The following ANKFY1 variants were observed in gnomAD, a reference collection of about 807,000 sequenced individuals.
ANKFY1 encodes ankyrin repeat and FYVE domain-containing protein 1.
ANKFY1 carries 47 observed loss-of-function variants against 128.3 expected under a neutral mutation model. The ratio of observed to expected loss-of-function variants is 0.37; its 90% CI spans 0.29 to 0.47. ANKFY1 has a LOEUF of 0.47. Ranked by LOEUF, ANKFY1 falls within the 20% of genes least tolerant of loss-of-function variation. The pLI, the probability that ANKFY1 is intolerant of heterozygous loss-of-function variation, is 1.00. For synonymous variants in ANKFY1, 553 were observed against 601.6 expected, an observed-to-expected ratio of 0.92 and a Z score of 1.18; for missense variants, 1,222 against 1,510.6, an observed-to-expected ratio of 0.81 and a Z score of 3.17.
At chr17:4,252,178 G>C (rs1967871500) in intron 1 of ANKFY1, among the ~76,000 whole-genome samples, 1 of 152,116 alleles carries the variant, frequency 6.6e-6, no homozygotes, top group African/African-American at 2.4e-5. Flanking sequence ...ATGAAAAGAT[G>C]TGCATCATTA....
chr17:4,246,008 C>T (rs1967522761), intron 1 of ANKFY1, among the ~76,000 whole-genome samples: 2 of 151,880 alleles, frequency 1.3e-5, no homozygotes, highest in Non-Finnish European at 2.9e-5. Context: ...CGTGCCACTG[C>T]ACTCCAGCCT....
Position 4,208,137 on chromosome 17 carries a change from C to T in ANKFY1, c.583-55G>A, listed in dbSNP as rs1481765324. 4 of 1,527,246 alleles carry T rather than the reference C, an allele frequency of 2.6e-6. No homozygotes were observed. In the East Asian group the frequency reaches 9.6e-5, roughly 37 times the overall value. 94.6% of individuals were successfully genotyped at this position (1,527,246 alleles called of 1,614,324 possible). ...AACAGACACAAGGCAATGAATCCAA[C>T]CACCATTTAGCAAGCCTCTCAAATG... On this transcript the variant is annotated intron_variant, in intron 5 of 24. Coordinates refer to ENST00000341657, the MANE Select transcript of ANKFY1 (RefSeq NM_001330063.2).
intron 10 of ANKFY1, 162 bp downstream of exon 10, chr17:4,194,816 A>T (rs1433043878): frequency 1.5e-6 from 1 of 686,044 alleles, no homozygotes; most frequent in Non-Finnish European, 2.4e-6. Context: ...CAGGATTTTT[A>T]AAAATGACAA....
intron 16 of ANKFY1, among the ~76,000 whole-genome samples, chr17:4,180,682 A>G (rs1235746869): frequency 6.9e-6 from 1 of 145,002 alleles, no homozygotes; most frequent in African/African-American, 2.5e-5. Flanking sequence ...GCGTGAACCC[A>G]GGAGGCAGAG....
chr17:4,191,508 G>T (rs187440335), intron 10 of ANKFY1, among the ~76,000 whole-genome samples: 17 of 149,150 alleles, frequency 1.1e-4, no homozygotes, highest in Admixed American at 8.7e-4. Flanking sequence ...GTTGATGGTT[G>T]CTCTAATCTG....
chr17:4,199,037 G>A (rs1169061022), intron 7 of ANKFY1, among the ~76,000 whole-genome samples: 19 of 152,184 alleles, frequency 1.2e-4, no homozygotes, highest in Non-Finnish European at 1.2e-4. Context: ...GACAACAGCT[G>A]TGGTTCCAGC....
rs183427380 is a variant in ANKFY1, at chr17:4,210,079, G to A, written c.459-132C>T. The A allele has an allele frequency of 4.7e-5, 32 of 683,336 alleles. No individual in the cohort carries two copies. The Admixed American group carries it at 9.3e-4, about 20-fold the overall frequency. 42.3% of individuals were successfully genotyped at this position (683,336 alleles called of 1,614,324 possible). A position where few individuals can be genotyped will look rare whatever the true frequency, so the allele number is the denominator to read the frequency against. On this transcript the variant is annotated intron_variant, in intron 4 of 24. Coordinates refer to ENST00000341657, the MANE Select transcript of ANKFY1 (RefSeq NM_001330063.2). ...ACTATGGGATAAGGTTAAGCAAAGG[G>A]TTATGAATAAATTACAGTTGGTCTC... is the stretch of plus-strand genomic sequence containing the variant.
chr17:4,234,460 G>GACATA (rs1411099766), intron 3 of ANKFY1, among the ~76,000 whole-genome samples: 1 of 151,680 alleles, frequency 6.6e-6, no homozygotes, highest in Non-Finnish European at 1.5e-5. Context: ...AAAAAAATGT[G>GACATA]ACATAAAACA....
chr17:4,198,691 T>C (rs2059872804), intron 7 of ANKFY1, among the ~76,000 whole-genome samples: 1 of 152,136 alleles, frequency 6.6e-6, no homozygotes, highest in Admixed American at 6.5e-5. Flanking sequence ...TTTTGTAATC[T>C]CATTATATAC....
Position 4,178,733 on chromosome 17 carries a change from G to A in ANKFY1, c.2598+124C>T, listed in dbSNP as rs1310973593. 3.2e-6 allele frequency: 3 copies of A among 925,396 alleles called. No homozygotes were observed. The highest frequency in any genetic ancestry group is 6.5e-4 in the Middle Eastern group (2 of 3,056). The allele number at this position is 925,396 out of a possible 1,614,324, so 57.3% of individuals were successfully genotyped here. ...ATCTCAACAGCCACATCTTAGGACAGGAGTACAACTTCAAAACAAAGCTCT... is the reference window on the plus strand; with the variant it reads ...ATCTCAACAGCCACATCTTAGGACAAGAGTACAACTTCAAAACAAAGCTCT... On this transcript the variant is annotated intron_variant, in intron 18 of 24. Coordinates refer to ENST00000341657, the MANE Select transcript of ANKFY1 (RefSeq NM_001330063.2). The surrounding 1 kb of genome is among the most constrained non-coding windows in gnomAD (Gnocchi z 4.1).
intron 17 of ANKFY1, 40 bp downstream of exon 17, chr17:4,179,681 G>A (rs374651826): frequency 9.8e-5 from 158 of 1,604,278 alleles, no homozygotes; most frequent in Non-Finnish European, 1.2e-4. Context: ...CCCTCATGCT[G>A]GGGCTACACC....
intron 1 of ANKFY1, among the ~76,000 whole-genome samples, chr17:4,257,536 AG>A (rs1164466462): frequency 6.6e-6 from 1 of 152,130 alleles, no homozygotes; most frequent in Non-Finnish European, 1.5e-5. Context: ...CCATGTCCAA[AG>A]GAGGGCCATT....
At chr17:4,239,044 C>T (rs2143334084) in intron 2 of ANKFY1, among the ~76,000 whole-genome samples, 1 of 152,302 alleles carries the variant, frequency 6.6e-6, no homozygotes, top group East Asian at 1.9e-4. Flanking sequence ...AGGAGTGAGC[C>T]ACCACGCCCG....
At chr17:4,180,999 C>T in intron 16 of ANKFY1, 1 of 433,444 alleles carries the variant, frequency 2.3e-6, no homozygotes, top group East Asian at 3.9e-5. Flanking sequence ...TACAGGAGCT[C>T]AGGCAGCTCC....
At chr17:4,245,209 T>G (rs550772062) in intron 1 of ANKFY1, among the ~76,000 whole-genome samples, 1 of 152,114 alleles carries the variant, frequency 6.6e-6, no homozygotes, top group Non-Finnish European at 1.5e-5. Flanking sequence ...TTTAAAGAAA[T>G]AGGGTCTCTG....
chr17:4,250,613 T>C (rs537441152), intron 1 of ANKFY1, among the ~76,000 whole-genome samples: 1 of 152,266 alleles, frequency 6.6e-6, no homozygotes, highest in African/African-American at 2.4e-5. Context: ...ATAGATCCAA[T>C]ACCTTCCCAA....
intron 1 of ANKFY1, among the ~76,000 whole-genome samples, chr17:4,249,431 T>A (rs1967720658): frequency 6.6e-6 from 1 of 152,218 alleles, no homozygotes. Flanking sequence ...TATTTTTATA[T>A]GTTACATCTA....
intron 1 of ANKFY1, among the ~76,000 whole-genome samples, chr17:4,249,575 A>G (rs1373209972): frequency 6.6e-6 from 1 of 152,220 alleles, no homozygotes; most frequent in African/African-American, 2.4e-5. Context: ...CGTTAAAATG[A>G]CAGCCAGAGC....
chr17:4,195,725 C>T (rs953957480), intron 8 of ANKFY1, among the ~76,000 whole-genome samples: 10 of 152,140 alleles, frequency 6.6e-5, no homozygotes, highest in Non-Finnish European at 1.3e-4. Flanking sequence ...TCAATCCCAA[C>T]CCCTTCCTGA....
Sources: allele counts gnomAD v4.1 joint callset (sites outside exome capture counted in the v4.1 genomes callset), GRCh38; gene constraint gnomAD v4.1.1; non-coding constraint Gnocchi (gnomAD v3.1); transcripts MANE v1.5; gene names NCBI Gene and HGNC (gene_info 2026-07-23, HGNC 2026-07-21).